The following GALNT17 variants were observed in gnomAD, a reference collection of about 807,000 sequenced individuals.
GALNT17 encodes the protein UDP-GalNAc:polypeptide N-acetylgalactosaminyltransferase-like 3.
Under a neutral mutation model 63.7 loss-of-function variants are expected in GALNT17, and 29 were observed. That is an observed-to-expected ratio of 0.46 (90% CI 0.34 to 0.62). The LOEUF (loss-of-function observed/expected upper bound fraction) is 0.62. GALNT17 is among the 20% of genes least tolerant of loss of function. The pLI is 0.01. For synonymous variants in GALNT17, 305 were observed against 318.3 expected (o/e 0.96, Z 0.45); for missense variants, 603 against 799.6 (o/e 0.75, Z 2.97).
intron 6 of GALNT17, among the ~76,000 whole-genome samples, chr7:71,661,427 C>T (rs1244674373): frequency 2.0e-5 from 3 of 152,120 alleles, no homozygotes; most frequent in Non-Finnish European, 4.4e-5. Flanking sequence ...ATACTTGCCT[C>T]TCTAAGGGGA....
chr7:71,484,797 A>ATTTTTTTTTT (rs386410414), intron 5 of GALNT17, among the ~76,000 whole-genome samples: 1 of 107,362 alleles, frequency 9.3e-6, no homozygotes, highest in Non-Finnish European at 1.7e-5. Context: ...CAGCATCAGG[A>ATTTTTTTTTT]TTTTTTTTTT....
At chr7:71,566,942 G>A (rs969342449) in intron 5 of GALNT17, among the ~76,000 whole-genome samples, 1 of 152,020 alleles carries the variant, frequency 6.6e-6, no homozygotes, top group Non-Finnish European at 1.5e-5. Flanking sequence ...TCAATCATCC[G>A]TGTGCATGGA....
At chr7:71,614,038 A>G (rs781702177) in intron 6 of GALNT17, among the ~76,000 whole-genome samples, 8 of 152,104 alleles carry the variant, frequency 5.3e-5, no homozygotes, top group Non-Finnish European at 1.0e-4. Flanking sequence ...TACAAGACCT[A>G]TTACTTTTTA....
At chr7:71,438,613 A>T (rs1039875113) in intron 5 of GALNT17, among the ~76,000 whole-genome samples, 3 of 152,218 alleles carry the variant, frequency 2.0e-5, no homozygotes, top group Non-Finnish European at 4.4e-5. Context: ...GGTTGTTGTG[A>T]AGATTAAATG....
At chr7:71,183,128 C>T (rs1447682422) in intron 1 of GALNT17, among the ~76,000 whole-genome samples, 1 of 152,082 alleles carries the variant, frequency 6.6e-6, no homozygotes, top group African/African-American at 2.4e-5. Context: ...CAGTACAAGG[C>T]GGAAACTGTG....
chr7:71,342,870 TAAAC>T lies in GALNT17; in HGVS notation c.422+7140_422+7143del, dbSNP rs150701496. On this transcript the variant is annotated intron_variant, in intron 2 of 10. Coordinates refer to ENST00000333538, the MANE Select transcript of GALNT17 (RefSeq NM_022479.3). ...TGTTTTATTTTAACAAAATTTCAAT[TAAAC>T]AATAAATATAAATCTATACCAAAAA... Among the ~76,000 whole-genome samples, 9 of 152,318 alleles carry T rather than the reference TAAAC, an allele frequency of 5.9e-5. No individual in the cohort carries two copies. In the East Asian group the frequency reaches 9.7e-4, roughly 16 times the overall value.
At chr7:71,481,522 C>A (rs758702319) in intron 5 of GALNT17, among the ~76,000 whole-genome samples, 4 of 152,114 alleles carry the variant, frequency 2.6e-5, no homozygotes, top group Admixed American at 6.5e-5. Context: ...AACTACACTT[C>A]CCAGAATTCT....
chr7:71,219,161 A>G (rs769511363), intron 1 of GALNT17, among the ~76,000 whole-genome samples: 2 of 152,112 alleles, frequency 1.3e-5, no homozygotes, highest in Non-Finnish European at 2.9e-5. Flanking sequence ...TTTTGCTTTC[A>G]TTTTACAAAT....
At chr7:71,250,020 G>A (rs908272373) in intron 1 of GALNT17, among the ~76,000 whole-genome samples, 8 of 152,218 alleles carry the variant, frequency 5.3e-5, no homozygotes, top group Non-Finnish European at 1.2e-4. Context: ...TTTTTCAAGT[G>A]TGAACATATG....
intron 9 of GALNT17, among the ~76,000 whole-genome samples, chr7:71,692,305 TACA>T (rs1791459080): frequency 6.6e-6 from 1 of 152,212 alleles, no homozygotes; most frequent in South Asian, 2.1e-4. Flanking sequence ...CCTGCCACCC[TACA>T]ACAACTATTA....
At chr7:71,407,323 G>T (rs1179123066) in intron 3 of GALNT17, among the ~76,000 whole-genome samples, 3 of 152,224 alleles carry the variant, frequency 2.0e-5, no homozygotes. Context: ...ACCCAGGGGA[G>T]GGGCAGGCCA....
chr7:71,612,113 A>G (rs951753610), intron 6 of GALNT17, among the ~76,000 whole-genome samples: 3 of 152,198 alleles, frequency 2.0e-5, no homozygotes, highest in Non-Finnish European at 2.9e-5. Flanking sequence ...ATTAAATTCA[A>G]ATGGAATGTT....
At chr7:71,367,805 C>T (rs1205897918) in intron 2 of GALNT17, among the ~76,000 whole-genome samples, 1 of 152,212 alleles carries the variant, frequency 6.6e-6, no homozygotes, top group Non-Finnish European at 1.5e-5. Flanking sequence ...ACGATGCAGT[C>T]AGCTGCATAG....
intron 5 of GALNT17, among the ~76,000 whole-genome samples, chr7:71,429,275 G>A (rs965490151): frequency 6.6e-6 from 1 of 152,138 alleles, no homozygotes; most frequent in African/African-American, 2.4e-5. Flanking sequence ...GAAGAAGGAG[G>A]CGTGGGTGGG....
At chr7:71,204,813 T>C (rs2116376290) in intron 1 of GALNT17, among the ~76,000 whole-genome samples, 1 of 152,272 alleles carries the variant, frequency 6.6e-6, no homozygotes, top group East Asian at 1.9e-4. Context: ...TGGCACGATC[T>C]TGGCTCACTG....
In GALNT17 at chr7:71,259,652, T is replaced by TG; in HGVS notation, c.239-75898_239-75897insG. On this transcript the variant is annotated intron_variant, in intron 1 of 10. Coordinates refer to ENST00000333538, the MANE Select transcript of GALNT17 (RefSeq NM_022479.3). ...TTTTGTTTTTTGTTTTTTTGTTTTT[T>TG]TTTTTTTGAGACGGAGTCTTGCTCT... is the stretch of plus-strand genomic sequence containing the variant. 1.3e-5 allele frequency among the ~76,000 whole-genome samples: 2 copies of TG among 149,052 alleles called. 1 individual carries two copies. The highest frequency in any genetic ancestry group is 5.0e-5 in the African/African-American group (2 of 40,328).
At position 71,710,877 on chromosome 7, in the gene GALNT17, G is replaced by A. The variant is rs1420102132; in HGVS notation, c.1617G>A (p.Leu539=). 6.2e-7 allele frequency: 1 copy of A among 1,613,828 alleles called. No individual in the cohort carries two copies. Among genetic ancestry groups the A allele is most frequent in the Non-Finnish European group, 8.5e-7 (1 of 1,180,032 alleles). ...DNSKSRLPQL[L]DCDKVKSSLY... is the part of the protein sequence containing the mutation. ...CCAAGAGTCGGCTGCCCCAGCTCCT[G>A]GACTGCGACAAGGTCAAGAGCAGCC... Residue 539 remains leucine (L), a synonymous_variant, in exon 10 of 11, where the codon CTG becomes CTA. Transcript: ENST00000333538.
chr7:71,484,897 C>T (rs1275143779), intron 5 of GALNT17, among the ~76,000 whole-genome samples: 2 of 135,558 alleles, frequency 1.5e-5, no homozygotes, highest in Non-Finnish European at 3.1e-5. Flanking sequence ...CTCCTGGGTT[C>T]AAGCAGTTCT....
At chr7:71,272,958 A>G (rs1199072126) in intron 1 of GALNT17, among the ~76,000 whole-genome samples, 1 of 144,922 alleles carries the variant, frequency 6.9e-6, no homozygotes, top group Admixed American at 6.7e-5. Flanking sequence ...TGTTCAATTC[A>G]GAGAAGAAAG....
Sources: gnomAD v4.1 joint callset for allele counts (sites outside exome capture counted in the v4.1 genomes callset) on GRCh38, gnomAD v4.1.1 for gene constraint, MANE v1.5 for transcripts, NCBI Gene and HGNC (gene_info 2026-07-23, HGNC 2026-07-21) for gene names.